The following ELAPOR2 variants were observed in gnomAD, a reference collection of about 807,000 sequenced individuals.
The protein encoded by ELAPOR2 is endosome/lysosome-associated apoptosis and autophagy regulator family member 2.
In ELAPOR2, 89 loss-of-function variants were observed where a neutral mutation model predicts 120.7. The ratio of observed to expected loss-of-function variants is 0.74; its 90% CI spans 0.62 to 0.88. ELAPOR2 has a LOEUF of 0.88. Among genes scored for constraint, ELAPOR2 ranks in the 40% least tolerant of loss-of-function variants. ELAPOR2 has a pLI of 0.00. For missense variants in ELAPOR2, 1,134 were observed against 1,251.6 expected (o/e 0.91, Z 1.42); for synonymous variants, 444 against 444.9 (o/e 1.00, Z 0.03).
chr7:86,972,603 G>GT (rs1057156852), intron 1 of ELAPOR2, among the ~76,000 whole-genome samples: 612 of 139,928 alleles, frequency 4.4e-3, no homozygotes, highest in Non-Finnish European at 4.1e-3. Flanking sequence ...AAAGTTTTTT[G>GT]TTTTTTTTTT....
intron 1 of ELAPOR2, among the ~76,000 whole-genome samples, chr7:86,974,620 T>TGTGTG (rs57026925): frequency 2.2e-4 from 32 of 148,622 alleles, no homozygotes; most frequent in East Asian, 3.9e-4. Flanking sequence ...TGTGTGTGTG[T>TGTGTG]TGGATACATG....
At chr7:86,946,881 C>A (rs1791031320) in intron 3 of ELAPOR2, among the ~76,000 whole-genome samples, 1 of 152,114 alleles carries the variant, frequency 6.6e-6, no homozygotes, top group Non-Finnish European at 1.5e-5. Context: ...AACTCTTTTA[C>A]TTAAAACACA....
chr7:86,880,096 T>G lies in ELAPOR2; in HGVS notation c.*375A>C, dbSNP rs1260288855. 5.6e-6 allele frequency: 1 copy of G among 178,492 alleles called. No homozygotes were observed. The highest frequency in any genetic ancestry group is 1.2e-5 in the Non-Finnish European group (1 of 85,750). 11.1% of individuals were successfully genotyped at this position (178,492 alleles called of 1,614,324 possible). ...GGATCATAATGCATATGCTCACATG[T>G]GCCTTCCAAATCACACTTGTTATGT... On this transcript the variant is annotated 3_prime_UTR_variant, in exon 22 of 22. Transcript: ENST00000450689.
At chr7:86,990,606 T>C (rs1214290700) in intron 1 of ELAPOR2, among the ~76,000 whole-genome samples, 1 of 152,204 alleles carries the variant, frequency 6.6e-6, no homozygotes, top group Non-Finnish European at 1.5e-5. Flanking sequence ...GAAATGATCC[T>C]TGTAAATCTT....
At chr7:87,007,959 T>C (rs1793539053) in intron 1 of ELAPOR2, among the ~76,000 whole-genome samples, 1 of 152,164 alleles carries the variant, frequency 6.6e-6, no homozygotes, top group African/African-American at 2.4e-5. Flanking sequence ...TAGAAACCCA[T>C]TAAAGGGTTG....
intron 1 of ELAPOR2, among the ~76,000 whole-genome samples, chr7:87,010,231 AAT>A (rs1485689739): frequency 1.3e-5 from 2 of 152,214 alleles, no homozygotes; most frequent in African/African-American, 4.8e-5. Context: ...CACCCACACC[AAT>A]AGTTTTGTCA....
chr7:87,025,728 A>G (rs890008897), intron 1 of ELAPOR2, among the ~76,000 whole-genome samples: 1 of 152,174 alleles, frequency 6.6e-6, no homozygotes, highest in Non-Finnish European at 1.5e-5. Context: ...TTGAAGAACT[A>G]TTAAGCCTCT....
intron 2 of ELAPOR2, among the ~76,000 whole-genome samples, chr7:86,950,350 T>C (rs1791193793): frequency 6.6e-6 from 1 of 152,204 alleles, no homozygotes; most frequent in South Asian, 2.1e-4. Flanking sequence ...AACATGCTCC[T>C]TGCTTGCCAC....
intron 1 of ELAPOR2, among the ~76,000 whole-genome samples, chr7:86,997,311 A>G (rs200445750): frequency 7.0e-6 from 1 of 142,554 alleles, no homozygotes; most frequent in East Asian, 2.0e-4. Context: ...CATCACAAAA[A>G]GAAGCCACTA....
chr7:86,917,633 G>A lies in ELAPOR2; in HGVS notation c.1593+809C>T, dbSNP rs551337272. On this transcript the variant is annotated intron_variant, in intron 12 of 21. Transcript: ENST00000450689. ...TATTTGTGATATAGATGGCTGTGTT[G>A]AAGATTATTCATGATCTTTTACTGC... Among the ~76,000 whole-genome samples, 136 of 152,214 alleles carry A rather than the reference G, an allele frequency of 8.9e-4. 2 individuals are homozygous for A. The highest frequency in any genetic ancestry group is 3.2e-3 in the African/African-American group (132 of 41,542).
At position 86,926,808 on chromosome 7, in the gene ELAPOR2, G is replaced by C; in HGVS notation, c.1198C>G (p.Pro400Ala). The part of the protein sequence containing the change: ...GEKKDCPPCN[P>A]GFYNNGSSSC... ...GATGATCCATTGTTATAAAATCCAG[G>C]GTTGCAAGGCGGACAATCCTTCTTC... The change falls in exon 9 of 22, where the codon CCT (proline) becomes GCT (alanine). Residue 400 changes from proline (P) to alanine (A), a missense_variant. Around this residue, in one of 3 missense-constraint regions of ELAPOR2, gnomAD observed 831 missense variants for 867.6 expected, o/e 0.96. Transcript: ENST00000450689. The C allele has an allele frequency of 6.2e-7, 1 of 1,611,760 alleles. No individual in the cohort carries two copies. Among genetic ancestry groups the C allele is most frequent in the Non-Finnish European group, 8.5e-7 (1 of 1,178,904 alleles).
chr7:86,906,130 C>A (rs10258008), intron 18 of ELAPOR2, among the ~76,000 whole-genome samples: 17,164 of 152,056 alleles, frequency 0.11, 1,014 homozygotes, highest in African/African-American at 0.14. Context: ...GTTAGGTTCA[C>A]AATATGGCCC....
At chr7:86,884,750 G>A (rs749617289) in intron 21 of ELAPOR2, among the ~76,000 whole-genome samples, 10 of 152,154 alleles carry the variant, frequency 6.6e-5, no homozygotes, top group South Asian at 4.1e-4. Flanking sequence ...GAGAGATTAC[G>A]AAAATTTTGA....
At chr7:86,896,987 T>TA (rs1788466418) in intron 19 of ELAPOR2, among the ~76,000 whole-genome samples, 1 of 151,990 alleles carries the variant, frequency 6.6e-6, no homozygotes, top group African/African-American at 2.4e-5. Flanking sequence ...CCAAATTATA[T>TA]AAAAAATAAA....
rs982631172 is a variant in ELAPOR2, at chr7:86,897,575, A to AG, written c.2615dup (p.Glu873Ter). 10 of 1,613,182 alleles carry AG rather than the reference A, an allele frequency of 6.2e-6. No homozygotes were observed. The highest frequency in any genetic ancestry group is 8.5e-6 in the Non-Finnish European group (10 of 1,179,502). On this transcript the variant is annotated frameshift_variant, in exon 19 of 22. Coordinates refer to ENST00000450689, the MANE Select transcript of ELAPOR2 (RefSeq NM_001142749.3). LOFTEE classifies it high-confidence loss of function. Reference sequence around the variant, plus strand: ...GCTCCGTACACAGAGGGCAAGCTTCAGCACTCTCCCACAGGAAATAGAACG... The same window carrying AG: ...GCTCCGTACACAGAGGGCAAGCTTCAGGCACTCTCCCACAGGAAATAGAACG...
At chr7:86,893,605 G>T (rs1034696693) in intron 19 of ELAPOR2, among the ~76,000 whole-genome samples, 1 of 151,978 alleles carries the variant, frequency 6.6e-6, no homozygotes, top group Non-Finnish European at 1.5e-5. Flanking sequence ...CTAGACCTGG[G>T]ACATACAGGT....
At chr7:86,964,294 A>AATTTAC (rs1178261709) in intron 2 of ELAPOR2, among the ~76,000 whole-genome samples, 3 of 152,202 alleles carry the variant, frequency 2.0e-5, no homozygotes, top group Admixed American at 6.5e-5. Context: ...AGTGAAAATA[A>AATTTAC]ATTTACATTT....
intron 21 of ELAPOR2, among the ~76,000 whole-genome samples, chr7:86,882,486 T>C (rs1262436058): frequency 1.3e-5 from 2 of 152,312 alleles, no homozygotes; most frequent in African/African-American, 2.4e-5. Flanking sequence ...GTTGAGATAA[T>C]AGGGCTTTAA....
chr7:86,951,786 C>A (rs935966147), intron 2 of ELAPOR2, among the ~76,000 whole-genome samples: 2 of 152,156 alleles, frequency 1.3e-5, no homozygotes, highest in Non-Finnish European at 2.9e-5. Flanking sequence ...AAGTGTATTT[C>A]TTTTTAAAAA....
Sources: allele counts gnomAD v4.1 joint callset (sites outside exome capture counted in the v4.1 genomes callset), GRCh38; gene constraint gnomAD v4.1.1; regional missense constraint gnomAD v4.1.1; transcripts MANE v1.5; gene names NCBI Gene and HGNC (gene_info 2026-07-23, HGNC 2026-07-21).